PRKN: variants seen among roughly 807,000 people sequenced by gnomAD.
PRKN encodes parkin RBR E3 ubiquitin protein ligase, also known as E3 ubiquitin-protein ligase parkin.
In PRKN, 56 loss-of-function variants were observed where a neutral mutation model predicts 59.5. That is an observed-to-expected ratio of 0.94 (90% CI 0.76 to 1.18). PRKN has a LOEUF of 1.18. Ranked by LOEUF, PRKN falls within the 50% of genes most tolerant of loss-of-function variation. PRKN has a pLI of 0.00. For synonymous variants in PRKN, 250 were observed against 222.1 expected (o/e 1.13, Z -1.12); for missense variants, 657 against 596.4 (o/e 1.10, Z -1.06).
intron 9 of PRKN, among the ~76,000 whole-genome samples, chr6:161,408,120 C>A (rs565133229): frequency 5.9e-5 from 9 of 152,272 alleles, no homozygotes; most frequent in Admixed American, 5.9e-4. Flanking sequence ...GACTCTCTAA[C>A]TTCCTCTTCT....
In PRKN at chr6:161,444,763, T is replaced by C. The variant is rs1033378489; in HGVS notation, c.1084-57886A>G. On this transcript the variant is annotated intron_variant, in intron 9 of 11. Coordinates refer to ENST00000366898, the MANE Select transcript of PRKN (RefSeq NM_004562.3). This position sits in a 1 kb window ranked among gnomAD's most constrained non-coding sequence, Gnocchi z 5.6. ...GAATGAAACGGCACTCTTGACATGC[T>C]GTACGGACAGAATCTTTACATGTCG... is the stretch of plus-strand genomic sequence containing the variant. Among the ~76,000 whole-genome samples, 4 of 152,264 alleles carry C rather than the reference T, an allele frequency of 2.6e-5. No homozygotes were observed. The highest frequency in any genetic ancestry group is 4.8e-5 in the African/African-American group (2 of 41,482).
At chr6:162,312,608 A>G (rs1782565955) in intron 2 of PRKN, among the ~76,000 whole-genome samples, 1 of 152,150 alleles carries the variant, frequency 6.6e-6, no homozygotes, top group Non-Finnish European at 1.5e-5. Context: ...AGGGGATAAC[A>G]CACACCTCTA....
In PRKN at chr6:161,492,004, A is replaced by T. The variant is rs553365966; in HGVS notation, c.1083+56850T>A. Among the ~76,000 whole-genome samples, 3 of 152,204 alleles carry T rather than the reference A, an allele frequency of 2.0e-5. No individual in the cohort carries two copies. The East Asian group carries it at 5.8e-4, about 29-fold the overall frequency. ...GTCAAAACATTACCTTCCTCATAGGATTGTTGGGAGAATTAAGTAAGGTAA... is the reference window on the plus strand; with the variant it reads ...GTCAAAACATTACCTTCCTCATAGGTTTGTTGGGAGAATTAAGTAAGGTAA... On this transcript the variant is annotated intron_variant, in intron 9 of 11. Coordinates refer to ENST00000366898, the MANE Select transcript of PRKN (RefSeq NM_004562.3).
At chr6:162,560,469 A>T (rs1043369730) in intron 1 of PRKN, among the ~76,000 whole-genome samples, 8 of 152,216 alleles carry the variant, frequency 5.3e-5, no homozygotes, top group African/African-American at 1.9e-4. Context: ...GGCCAAATGC[A>T]TCTTCTAAGT....
intron 2 of PRKN, among the ~76,000 whole-genome samples, chr6:162,291,355 T>C (rs1006790965): frequency 7.1e-6 from 1 of 140,648 alleles, no homozygotes; most frequent in Admixed American, 7.5e-5. Flanking sequence ...TTCACACTTA[T>C]GAACCAACTC....
chr6:161,402,317 T>C lies in PRKN; in HGVS notation c.1084-15440A>G, dbSNP rs9355897. ...ATAAGACTCTTCCCCTGCCTAAGTT[T>C]TCTTTTTCTCTCTCAATTTTATTGC... On this transcript the variant is annotated intron_variant, in intron 9 of 11. Transcript: ENST00000366898. The surrounding 1 kb of genome is among the most constrained non-coding windows in gnomAD (Gnocchi z 4.5). 0.16 allele frequency among the ~76,000 whole-genome samples: 23,963 copies of C among 152,168 alleles called. 1,996 individuals are homozygous for C. Among genetic ancestry groups the C allele is most frequent in the South Asian group, 0.27 (1,295 of 4,818 alleles).
chr6:162,258,196 T>A (rs926440863), intron 3 of PRKN, among the ~76,000 whole-genome samples: 1 of 152,210 alleles, frequency 6.6e-6, no homozygotes, highest in African/African-American at 2.4e-5. Flanking sequence ...CTCTGCTGTT[T>A]CTCGATAGAA....
At chr6:161,995,931 C>T (rs1781824436) in intron 5 of PRKN, among the ~76,000 whole-genome samples, 1 of 152,044 alleles carries the variant, frequency 6.6e-6, no homozygotes, top group African/African-American at 2.4e-5. Flanking sequence ...TGCTTGAGTC[C>T]AGGAGTTTGA....
rs992489303 is a variant in PRKN at position 161,360,730 on chromosome 6, T to C, written c.1168-525A>G. 1.3e-5 allele frequency among the ~76,000 whole-genome samples: 2 copies of C among 152,168 alleles called. No homozygotes were observed. The highest frequency in any genetic ancestry group is 4.8e-5 in the African/African-American group (2 of 41,454). ...GGCAAATGGGGAACTCCAAATGTTG[T>C]CACAGAAGGGACAGGAGCAAGAACA... On this transcript the variant is annotated intron_variant, in intron 10 of 11. Coordinates refer to ENST00000366898, the MANE Select transcript of PRKN (RefSeq NM_004562.3). This position sits in a 1 kb window ranked among gnomAD's most constrained non-coding sequence, Gnocchi z 5.1.
intron 6 of PRKN, among the ~76,000 whole-genome samples, chr6:161,825,610 C>T (rs1157998255): frequency 5.9e-5 from 9 of 152,204 alleles, no homozygotes; most frequent in African/African-American, 2.2e-4. Flanking sequence ...GGAGCTTCCG[C>T]TCTACTCCCA....
chr6:162,005,767 A>ATATATTTGATTTTAG (rs1189230580), intron 5 of PRKN, among the ~76,000 whole-genome samples: 1 of 152,086 alleles, frequency 6.6e-6, no homozygotes, highest in Non-Finnish European at 1.5e-5. Flanking sequence ...ATCAAATCTA[A>ATATATTTGATTTTAG]CCTTTTTTGG....
chr6:161,587,067 T>C (rs1583263688), intron 7 of PRKN, among the ~76,000 whole-genome samples: 1 of 152,280 alleles, frequency 6.6e-6, no homozygotes, highest in South Asian at 2.1e-4. Flanking sequence ...CTATCAGAAC[T>C]CACTAATCCA....
chr6:162,398,537 C>T lies in PRKN; in HGVS notation c.171+44773G>A, dbSNP rs182715634. Among the ~76,000 whole-genome samples the T allele has an allele frequency of 6.5e-3, 995 of 152,052 alleles. 12 individuals are homozygous for T. Among genetic ancestry groups the T allele is most frequent in the African/African-American group, 0.023 (954 of 41,484 alleles). ...TCCCAAGTAGCTGGGATTACAGGCA[C>T]CCAGCACCACACCCAGCTAATTTTT... On this transcript the variant is annotated intron_variant, in intron 2 of 11. Transcript: ENST00000366898.
At chr6:161,964,491 C>T (rs1231748957) in intron 6 of PRKN, among the ~76,000 whole-genome samples, 1 of 151,998 alleles carries the variant, frequency 6.6e-6, no homozygotes, top group Non-Finnish European at 1.5e-5. Flanking sequence ...GGGCCTGGGG[C>T]ACAGTGTGAA....
At chr6:162,212,061 ACT>A (rs1785221821) in intron 3 of PRKN, among the ~76,000 whole-genome samples, 1 of 152,062 alleles carries the variant, frequency 6.6e-6, no homozygotes, top group Non-Finnish European at 1.5e-5. Flanking sequence ...CAGCTGAAAC[ACT>A]CTTCACTGGT....
chr6:162,582,601 A>G (rs1287876707), intron 1 of PRKN, among the ~76,000 whole-genome samples: 1 of 152,156 alleles, frequency 6.6e-6, no homozygotes, highest in African/African-American at 2.4e-5. Flanking sequence ...TTCCTCTTAA[A>G]ACCCAAGTTA....
chr6:162,310,561 T>C (rs6931214), intron 2 of PRKN, among the ~76,000 whole-genome samples: 5,799 of 151,948 alleles, frequency 0.038, 352 homozygotes, highest in African/African-American at 0.13. Flanking sequence ...GGAAGAAATT[T>C]CTGTTGTTTA....
intron 4 of PRKN, among the ~76,000 whole-genome samples, chr6:162,142,041 C>T (rs540689141): frequency 3.9e-5 from 6 of 152,256 alleles, no homozygotes; most frequent in Non-Finnish European, 7.3e-5. Flanking sequence ...CACATGATCA[C>T]TTATATTAAT....
chr6:162,217,178 A>T (rs116809956), intron 3 of PRKN, among the ~76,000 whole-genome samples: 1,869 of 152,280 alleles, frequency 0.012, 37 homozygotes, highest in African/African-American at 0.043. Context: ...CACATTCTCC[A>T]TGTGCTACAT....
Sources: allele counts gnomAD v4.1 joint callset (sites outside exome capture counted in the v4.1 genomes callset), GRCh38; gene constraint gnomAD v4.1.1; non-coding constraint Gnocchi (gnomAD v3.1); transcripts MANE v1.5; gene names NCBI Gene and HGNC (gene_info 2026-07-23, HGNC 2026-07-21).